The following KDM4C variants were observed in gnomAD, a reference collection of about 807,000 sequenced individuals.
The protein encoded by KDM4C is lysine demethylase 4C, also known as lysine-specific demethylase 4C.
KDM4C carries 81 observed loss-of-function variants against 129.3 expected under a neutral mutation model. The observed-to-expected ratio is 0.63, with a 90% CI of 0.52 to 0.75. KDM4C has a LOEUF of 0.75. Ranked by LOEUF, KDM4C falls within the 30% of genes least tolerant of loss-of-function variation. The pLI is 0.00. For missense variants in KDM4C, 1,457 were observed against 1,304.0 expected (o/e 1.12, Z -1.81); for synonymous variants, 573 against 456.1 (o/e 1.26, Z -3.26).
intron 17 of KDM4C, among the ~76,000 whole-genome samples, chr9:7,103,025 C>G (rs1232616334): frequency 1.3e-5 from 2 of 152,100 alleles, no homozygotes; most frequent in Non-Finnish European, 2.9e-5. Context: ...TCTTCTCTTC[C>G]CCAGGCATCA....
At chr9:6,949,415 C>T (rs953503782) in intron 8 of KDM4C, among the ~76,000 whole-genome samples, 4 of 151,778 alleles carry the variant, frequency 2.6e-5, no homozygotes, top group African/African-American at 7.3e-5. Context: ...CAGGCAGAGA[C>T]GTTCCTCACT....
intron 5 of KDM4C, among the ~76,000 whole-genome samples, chr9:6,867,970 T>A (rs1476320894): frequency 2.6e-5 from 4 of 152,018 alleles, no homozygotes; most frequent in Non-Finnish European, 4.4e-5. Context: ...CTGTGATAGG[T>A]CCCTACTTTG....
In KDM4C at chr9:6,869,227, T is replaced by G. The variant is rs377012917; in HGVS notation, c.630-10785T>G. Among the ~76,000 whole-genome samples, 30 of 152,334 alleles carry G rather than the reference T, an allele frequency of 2.0e-4. 2 individuals carry two copies. In the East Asian group the frequency reaches 5.0e-3, roughly 25 times the overall value. ...CATATGGTTGCTAGGGTTTCTGGTT[T>G]TCATCTGAATGTTATGTCAGGAAAT... On this transcript the variant is annotated intron_variant, in intron 5 of 21. Coordinates refer to ENST00000381309, the MANE Select transcript of KDM4C (RefSeq NM_015061.6).
chr9:7,021,377 T>C (rs559500897), intron 15 of KDM4C, among the ~76,000 whole-genome samples: 2 of 152,194 alleles, frequency 1.3e-5, no homozygotes, highest in South Asian at 4.2e-4. Context: ...ACTCCTGACC[T>C]CAGGTGATCT....
Position 6,999,951 on chromosome 9 carries a change from T to C in KDM4C, c.1786+9427T>C, listed in dbSNP as rs201022160. ...TTGAGGTATTACTATACTTTCATAA[T>C]AAGCACATTTATAGTTCTGTCTGTT... is the stretch of plus-strand genomic sequence containing the variant. On this transcript the variant is annotated intron_variant, in intron 12 of 21. Transcript: ENST00000381309. Among the ~76,000 whole-genome samples the C allele has an allele frequency of 3.3e-5, 5 of 152,248 alleles. No individual in the cohort carries two copies. The East Asian group carries it at 9.6e-4, about 29-fold the overall frequency.
At chr9:6,769,339 T>G (rs1175963129) in intron 1 of KDM4C, among the ~76,000 whole-genome samples, 1 of 152,140 alleles carries the variant, frequency 6.6e-6, no homozygotes, top group East Asian at 1.9e-4. Context: ...ATCTTTTTCC[T>G]TTTTTTCTTC....
chr9:7,076,287 G>A (rs1214914841), intron 17 of KDM4C: 17 of 572,010 alleles, frequency 3.0e-5, no homozygotes, highest in Admixed American at 6.1e-5. Context: ...AACATAAATG[G>A]TAAACAGTTT....
chr9:6,810,307 C>T (rs1324528023), intron 3 of KDM4C, among the ~76,000 whole-genome samples: 1 of 152,138 alleles, frequency 6.6e-6, no homozygotes, highest in East Asian at 1.9e-4. Flanking sequence ...TTTTGTGTAT[C>T]ACTGTGTACA....
At chr9:6,778,158 C>G (rs549244459) in intron 1 of KDM4C, among the ~76,000 whole-genome samples, 1 of 150,526 alleles carries the variant, frequency 6.6e-6, no homozygotes, top group Non-Finnish European at 1.5e-5. Context: ...GGCATGATCT[C>G]GTCTTACTGC....
chr9:6,976,407 T>C (rs1252315012), intron 8 of KDM4C, among the ~76,000 whole-genome samples: 1 of 152,210 alleles, frequency 6.6e-6, no homozygotes, highest in African/African-American at 2.4e-5. Flanking sequence ...CAATGAGATA[T>C]AGAATGTCTT....
intron 18 of KDM4C, 120 bp from the exon 19 acceptor site, chr9:7,127,946 T>C: frequency 1.1e-6 from 1 of 927,254 alleles, no homozygotes; most frequent in South Asian, 2.7e-5. Flanking sequence ...AGTTAAAAAT[T>C]TTTTTTTTAA....
intron 1 of KDM4C, among the ~76,000 whole-genome samples, chr9:6,772,900 T>A (rs1255396651): frequency 6.6e-6 from 1 of 150,620 alleles, no homozygotes; most frequent in Non-Finnish European, 1.5e-5. Flanking sequence ...TTCACCATGT[T>A]GGCCAGGCTG....
At chr9:6,889,902 T>C (rs1418634599) in intron 7 of KDM4C, among the ~76,000 whole-genome samples, 2 of 152,192 alleles carry the variant, frequency 1.3e-5, no homozygotes, top group East Asian at 1.9e-4. Context: ...GCACCCTCTT[T>C]CTAGGCTGCA....
chr9:6,868,384 A>G (rs1448726128), intron 5 of KDM4C, among the ~76,000 whole-genome samples: 1 of 152,114 alleles, frequency 6.6e-6, no homozygotes, highest in Non-Finnish European at 1.5e-5. Context: ...GGGAACTTTG[A>G]GGTGTGCCAT....
At chr9:6,819,416 C>G (rs1022747905) in intron 4 of KDM4C, among the ~76,000 whole-genome samples, 2 of 152,158 alleles carry the variant, frequency 1.3e-5, no homozygotes, top group African/African-American at 4.8e-5. Flanking sequence ...TGTAAACACG[C>G]AGTTTTAAAA....
At chr9:6,996,548 C>A (rs768573813) in intron 12 of KDM4C, among the ~76,000 whole-genome samples, 1 of 152,154 alleles carries the variant, frequency 6.6e-6, no homozygotes, top group Non-Finnish European at 1.5e-5. Flanking sequence ...GCTTCCAATC[C>A]CCTTGGTTAA....
chr9:6,922,394 G>GT (rs112000172), intron 8 of KDM4C, among the ~76,000 whole-genome samples: 3 of 151,976 alleles, frequency 2.0e-5, no homozygotes, highest in Admixed American at 6.5e-5. Context: ...TACATTTACT[G>GT]TTTTTTTCCC....
chr9:6,959,442 C>G (rs577173410), intron 8 of KDM4C, among the ~76,000 whole-genome samples: 1 of 152,122 alleles, frequency 6.6e-6, no homozygotes, highest in Non-Finnish European at 1.5e-5. Flanking sequence ...TTTGGTCTGC[C>G]TATTGTATTT....
At chr9:7,072,197 G>A (rs560584853) in intron 17 of KDM4C, among the ~76,000 whole-genome samples, 20 of 152,274 alleles carry the variant, frequency 1.3e-4, no homozygotes, top group African/African-American at 4.3e-4. Context: ...CTTATAAATT[G>A]CTTGTGGTAA....
Sources: gnomAD v4.1 joint callset for allele counts (sites outside exome capture counted in the v4.1 genomes callset) on GRCh38, gnomAD v4.1.1 for gene constraint, MANE v1.5 for transcripts, NCBI Gene and HGNC (gene_info 2026-07-23, HGNC 2026-07-21) for gene names.